Variants in MBD5 observed in about 807,000 individuals in gnomAD.
MBD5 encodes the protein methyl-CpG-binding domain protein 5.
MBD5 carries 13 observed loss-of-function variants against 117.3 expected under a neutral mutation model. The ratio of observed to expected loss-of-function variants is 0.11; its 90% CI spans 0.07 to 0.18. The LOEUF is 0.18. Ranked by LOEUF, MBD5 falls within the 10% of genes least tolerant of loss-of-function variation. The pLI is 1.00. For missense variants in MBD5, 1,879 were observed against 2,093.8 expected (o/e 0.90, Z 2.00); for synonymous variants, 727 against 766.4 (o/e 0.95, Z 0.85).
chr2:148,299,560 A>T (rs928606792), intron 3 of MBD5, among the ~76,000 whole-genome samples: 2 of 152,204 alleles, frequency 1.3e-5, no homozygotes, highest in Non-Finnish European at 2.9e-5. Context: ...CCGGAGAAAA[A>T]TGAAGGACCG....
intron 1 of MBD5, among the ~76,000 whole-genome samples, chr2:148,172,771 A>G (rs544255662): frequency 6.6e-6 from 1 of 152,106 alleles, no homozygotes; most frequent in Non-Finnish European, 1.5e-5. Context: ...TCTGAAGCCC[A>G]TAAAAACTCT....
intron 1 of MBD5, chr2:148,055,418 C>CTTTTTTTTTTTTTTTTTTTTTTTTTT (rs56877252): frequency 7.1e-6 from 1 of 140,918 alleles, no homozygotes; most frequent in Admixed American, 7.0e-5. Context: ...ATAGGTTTTT[C>CTTTTTTTTTTTTTTTTTTTTTTTTTT]TTTTTTTTTT....
chr2:148,430,516 C>T (rs1705952010), intron 4 of MBD5, among the ~76,000 whole-genome samples: 1 of 151,930 alleles, frequency 6.6e-6, no homozygotes, highest in African/African-American at 2.4e-5. Flanking sequence ...TAGTTTAGAT[C>T]TTGTATATCT....
At position 148,516,891 on chromosome 2, in the gene MBD5, G is replaced by A. The variant is rs1356728291; in HGVS notation, c.*3950G>A. On this transcript the variant is annotated 3_prime_UTR_variant, in exon 14 of 14. Transcript: ENST00000642680. Reference sequence around the variant, plus strand: ...CTATAAATTGGAAAATTTGATGCCAGATGGCTTCATAATATACAAATGTGT... The same window carrying A: ...CTATAAATTGGAAAATTTGATGCCAAATGGCTTCATAATATACAAATGTGT... The A allele has an allele frequency of 6.6e-6, 1 of 152,190 alleles. No homozygotes were observed. The highest frequency in any genetic ancestry group is 1.5e-5 in the Non-Finnish European group (1 of 68,036). 9.4% of individuals were successfully genotyped at this position (152,190 alleles called of 1,614,324 possible).
intron 1 of MBD5, among the ~76,000 whole-genome samples, chr2:148,170,700 A>G (rs1698243808): frequency 6.6e-6 from 1 of 152,220 alleles, no homozygotes; most frequent in Non-Finnish European, 1.5e-5. Context: ...TTATGATTTG[A>G]TATAATCCAA....
At chr2:148,052,981 A>AAG (rs1429223648) in intron 1 of MBD5, among the ~76,000 whole-genome samples, 1 of 81,274 alleles carries the variant, frequency 1.2e-5, no homozygotes, top group East Asian at 4.7e-4. Flanking sequence ...AAAAAAAAAA[A>AAG]AGAGAGAGAC....
chr2:148,076,957 A>G (rs1371909383), intron 1 of MBD5, among the ~76,000 whole-genome samples: 1 of 152,226 alleles, frequency 6.6e-6, no homozygotes, highest in African/African-American at 2.4e-5. Flanking sequence ...TGTGTGTCCC[A>G]TAAGCTAAGA....
chr2:148,153,923 G>A (rs1697772941), intron 1 of MBD5, among the ~76,000 whole-genome samples: 1 of 118,874 alleles, frequency 8.4e-6, no homozygotes, highest in African/African-American at 3.2e-5. Flanking sequence ...ATCGTCTGAA[G>A]CCTTCTTCTC....
intron 3 of MBD5, among the ~76,000 whole-genome samples, chr2:148,267,661 A>G (rs1259555844): frequency 1.3e-5 from 2 of 152,170 alleles, no homozygotes; most frequent in East Asian, 1.9e-4. Flanking sequence ...TTTACTAAAT[A>G]TATGTTATTG....
intron 2 of MBD5, among the ~76,000 whole-genome samples, chr2:148,215,097 T>A (rs1699519587): frequency 6.6e-6 from 1 of 152,236 alleles, no homozygotes; most frequent in South Asian, 2.1e-4. Flanking sequence ...AAGCATTTTG[T>A]GTTTCTTACT....
At chr2:148,375,332 A>G (rs1415448794) in intron 4 of MBD5, among the ~76,000 whole-genome samples, 3 of 152,228 alleles carry the variant, frequency 2.0e-5, no homozygotes, top group Non-Finnish European at 4.4e-5. Context: ...GACTTTGCTA[A>G]CAGACATCAG....
intron 2 of MBD5, among the ~76,000 whole-genome samples, chr2:148,199,986 C>T (rs779414247): frequency 4.6e-5 from 7 of 152,098 alleles, no homozygotes; most frequent in Non-Finnish European, 8.8e-5. Flanking sequence ...GGAAGCTGTA[C>T]ATTTATCTTA....
chr2:148,174,292 C>CA (rs1698330034), intron 1 of MBD5, among the ~76,000 whole-genome samples: 1 of 152,038 alleles, frequency 6.6e-6, no homozygotes. Flanking sequence ...ACTCCATATA[C>CA]AAAAATCAAC....
intron 1 of MBD5, among the ~76,000 whole-genome samples, chr2:148,038,793 G>A (rs557346498): frequency 4.6e-5 from 7 of 151,766 alleles, no homozygotes; most frequent in African/African-American, 7.3e-5. Flanking sequence ...TTTTAATTTG[G>A]TTTTTGATGT....
intron 1 of MBD5, among the ~76,000 whole-genome samples, chr2:148,098,440 T>C (rs2105278340): frequency 6.6e-6 from 1 of 152,202 alleles, no homozygotes; most frequent in Admixed American, 6.5e-5. Context: ...AATATATAGA[T>C]TTTTCAGCAT....
At chr2:148,192,885 TAAGCTGATAAGCAAC>T (rs1698872564) in intron 2 of MBD5, among the ~76,000 whole-genome samples, 1 of 50,066 alleles carries the variant, frequency 2.0e-5, no homozygotes, top group African/African-American at 7.7e-5. Flanking sequence ...AAAATCTCCT[TAAGCTGATAAGCAAC>T]TTCAGCAAAG....
At chr2:148,097,805 C>T (rs1696107850) in intron 1 of MBD5, among the ~76,000 whole-genome samples, 2 of 152,058 alleles carry the variant, frequency 1.3e-5, no homozygotes, top group Admixed American at 1.3e-4. Flanking sequence ...TAAATTGAGA[C>T]CTGAAAAATA....
chr2:148,102,723 CACACACAGAG>C (rs1328872933), intron 1 of MBD5, among the ~76,000 whole-genome samples: 4 of 69,978 alleles, frequency 5.7e-5, no homozygotes, highest in East Asian at 5.2e-4. Context: ...CACACACACA[CACACACAGAG>C]AGAGAGAGAG....
intron 1 of MBD5, among the ~76,000 whole-genome samples, chr2:148,037,310 C>T (rs1322198865): frequency 1.3e-5 from 2 of 151,878 alleles, no homozygotes; most frequent in African/African-American, 2.4e-5. Flanking sequence ...ACAAGTTCTA[C>T]AAAATGTTCT....
Sources: gnomAD v4.1 joint callset for allele counts (sites outside exome capture counted in the v4.1 genomes callset) on GRCh38, gnomAD v4.1.1 for gene constraint, MANE v1.5 for transcripts, NCBI Gene and HGNC (gene_info 2026-07-23, HGNC 2026-07-21) for gene names.